Variants in TRAPPC9 observed in about 807,000 individuals in gnomAD.
The protein encoded by TRAPPC9 is IKK2 binding protein.
In TRAPPC9, 83 loss-of-function variants were observed where a neutral mutation model predicts 124.0. The ratio of observed to expected loss-of-function variants is 0.67; its 90% confidence interval spans 0.56 to 0.80. The LOEUF is 0.80. Among genes scored for constraint, TRAPPC9 ranks in the 30% least tolerant of loss-of-function variants. The pLI, the probability that TRAPPC9 is intolerant of heterozygous loss-of-function variation, is 0.00. For missense variants in TRAPPC9, 1,302 were observed against 1,508.3 expected (o/e 0.86, Z 2.27); for synonymous variants, 638 against 617.5 (o/e 1.03, Z -0.49).
At chr8:140,287,938 TAAACCACG>T (rs1271987934) in intron 12 of TRAPPC9, among the ~76,000 whole-genome samples, 1 of 152,228 alleles carries the variant, frequency 6.6e-6, no homozygotes, top group African/African-American at 2.4e-5. Flanking sequence ...GCTCAGGCGA[TAAACCACG>T]GATCCACTTG....
chr8:140,060,075 C>T (rs1046938116), intron 17 of TRAPPC9, among the ~76,000 whole-genome samples: 1 of 152,198 alleles, frequency 6.6e-6, no homozygotes, highest in African/African-American at 2.4e-5. Context: ...ATGTCGCTGT[C>T]ATCCTTTAAA....
intron 4 of TRAPPC9, among the ~76,000 whole-genome samples, chr8:140,428,949 C>A (rs934839432): frequency 6.6e-6 from 1 of 152,146 alleles, no homozygotes; most frequent in Admixed American, 6.5e-5. Flanking sequence ...TCCACACTGG[C>A]CAACCCCCTG....
At chr8:140,136,066 G>T (rs1306393712) in intron 17 of TRAPPC9, among the ~76,000 whole-genome samples, 1 of 152,100 alleles carries the variant, frequency 6.6e-6, no homozygotes, top group Non-Finnish European at 1.5e-5. Context: ...AAAGGAAATG[G>T]ATTTCTCTCT....
intron 4 of TRAPPC9, among the ~76,000 whole-genome samples, chr8:140,430,491 C>A (rs563414141): frequency 6.6e-6 from 1 of 152,156 alleles, no homozygotes; most frequent in Non-Finnish European, 1.5e-5. Context: ...AGGAAGCACA[C>A]GGGATGTTCT....
At chr8:140,138,805 T>C (rs1439685143) in intron 17 of TRAPPC9, among the ~76,000 whole-genome samples, 1 of 152,164 alleles carries the variant, frequency 6.6e-6, no homozygotes, top group African/African-American at 2.4e-5. Flanking sequence ...ATTTTTTCTC[T>C]TAAAAAGATA....
rs370116164 is a variant in TRAPPC9 at position 140,191,596 on chromosome 8, T to C, written c.2556+29863A>G. On this transcript the variant is annotated intron_variant, in intron 17 of 22. Transcript: ENST00000438773. ...GCTCTGGCTTCACCTTTTGCCATGATTGTAAGCTTCCTGAGGCCCCACCAG... is the reference window on the plus strand; with the variant it reads ...GCTCTGGCTTCACCTTTTGCCATGACTGTAAGCTTCCTGAGGCCCCACCAG... Among the ~76,000 whole-genome samples, 28 of 152,304 alleles carry C rather than the reference T, an allele frequency of 1.8e-4. No individual in the cohort carries two copies. In the East Asian group the frequency reaches 2.1e-3, roughly 12 times the overall value.
At chr8:139,807,314 AT>A (rs1824135963) in intron 21 of TRAPPC9, among the ~76,000 whole-genome samples, 1 of 152,182 alleles carries the variant, frequency 6.6e-6, no homozygotes, top group African/African-American at 2.4e-5. Context: ...CCAGAATCAC[AT>A]TCCTCATGAC....
chr8:140,306,250 C>T (rs1431101845), intron 10 of TRAPPC9, among the ~76,000 whole-genome samples: 2 of 152,100 alleles, frequency 1.3e-5, no homozygotes, highest in Admixed American at 1.3e-4. Context: ...AATCCTAGCA[C>T]TTTGGGAGGC....
chr8:140,036,744 A>T (rs1452676147), intron 17 of TRAPPC9, among the ~76,000 whole-genome samples: 1 of 152,226 alleles, frequency 6.6e-6, no homozygotes, highest in Non-Finnish European at 1.5e-5. Flanking sequence ...AGAGAGCAGG[A>T]GCCAGCGGAG....
At chr8:139,737,863 T>TGAGGAGGGGAGGATCTGCAG (rs1194992501) in intron 21 of TRAPPC9, among the ~76,000 whole-genome samples, 1 of 152,122 alleles carries the variant, frequency 6.6e-6, no homozygotes, top group African/African-American at 2.4e-5. Flanking sequence ...CAACCTTCCC[T>TGAGGAGGGGAGGATCTGCAG]GAGGAGGGGA....
At chr8:140,390,147 T>C (rs551414050) in intron 7 of TRAPPC9, among the ~76,000 whole-genome samples, 2 of 152,116 alleles carry the variant, frequency 1.3e-5, no homozygotes, top group South Asian at 4.2e-4. Context: ...GTACTAAAAA[T>C]ACAAAAATTA....
intron 9 of TRAPPC9, among the ~76,000 whole-genome samples, chr8:140,345,641 G>A (rs749332547): frequency 5.3e-5 from 8 of 152,178 alleles, no homozygotes; most frequent in Admixed American, 3.3e-4. Context: ...AAATGCTGGC[G>A]ACAGGCCCCA....
intron 11 of TRAPPC9, among the ~76,000 whole-genome samples, chr8:140,300,221 A>T (rs569023926): frequency 6.6e-6 from 1 of 152,156 alleles, no homozygotes; most frequent in South Asian, 2.1e-4. Context: ...GGACACATGT[A>T]AACACACATA....
intron 17 of TRAPPC9, among the ~76,000 whole-genome samples, chr8:140,125,146 G>A (rs935100781): frequency 2.0e-5 from 3 of 152,222 alleles, no homozygotes; most frequent in Non-Finnish European, 4.4e-5. Flanking sequence ...TGGGCCGATG[G>A]TGATGCAGCA....
At chr8:140,279,323 G>A (rs895430013) in intron 14 of TRAPPC9, among the ~76,000 whole-genome samples, 1 of 152,150 alleles carries the variant, frequency 6.6e-6, no homozygotes, top group Non-Finnish European at 1.5e-5. Context: ...TAGTCCTACA[G>A]CACAGAGCCT....
intron 18 of TRAPPC9, among the ~76,000 whole-genome samples, chr8:140,014,339 C>T (rs1347392423): frequency 1.3e-5 from 2 of 152,062 alleles, no homozygotes; most frequent in Non-Finnish European, 2.9e-5. Flanking sequence ...AACAAGGTTA[C>T]CAGGCAGCTC....
intron 17 of TRAPPC9, among the ~76,000 whole-genome samples, chr8:140,176,544 A>G (rs147513082): frequency 6.6e-6 from 1 of 152,312 alleles, no homozygotes; most frequent in East Asian, 1.9e-4. Flanking sequence ...TGGGTATGTT[A>G]AAGTGTGTTT....
At chr8:140,120,282 G>A (rs956562831) in intron 17 of TRAPPC9, among the ~76,000 whole-genome samples, 3 of 152,112 alleles carry the variant, frequency 2.0e-5, no homozygotes, top group African/African-American at 7.2e-5. Context: ...TTATTTACCA[G>A]AAAAATAAAC....
At chr8:140,019,442 T>C (rs1244844091) in intron 18 of TRAPPC9, among the ~76,000 whole-genome samples, 1 of 152,146 alleles carries the variant, frequency 6.6e-6, no homozygotes, top group Non-Finnish European at 1.5e-5. Flanking sequence ...AAAGTTTGCT[T>C]TGTGAGAAGA....
Sources: allele counts gnomAD v4.1 joint callset (sites outside exome capture counted in the v4.1 genomes callset), GRCh38; gene constraint gnomAD v4.1.1; transcripts MANE v1.5; gene names NCBI Gene and HGNC (gene_info 2026-07-23, HGNC 2026-07-21).